METTL9: variants seen among roughly 807,000 people sequenced by gnomAD.
The protein encoded by METTL9 is protein-L-histidine N-pros-methyltransferase.
METTL9 carries 10 observed loss-of-function variants against 36.0 expected under a neutral mutation model. That is an observed-to-expected ratio of 0.28 (90% CI 0.17 to 0.47). The LOEUF is 0.47. Ranked by LOEUF, METTL9 falls within the 20% of genes least tolerant of loss-of-function variation. METTL9 has a pLI of 0.99. For synonymous variants in METTL9, 175 were observed against 149.7 expected (o/e 1.17, Z -1.23); for missense variants, 246 against 383.5 (o/e 0.64, Z 3.00).
chr16:21,613,239 G>A (rs1238631740), intron 2 of METTL9, among the ~76,000 whole-genome samples: 1 of 138,450 alleles, frequency 7.2e-6, no homozygotes, highest in Non-Finnish European at 1.5e-5. Flanking sequence ...AGACTGGAGT[G>A]CAGTGGCAAT....
At chr16:21,616,088 A>C (rs1316917977) in intron 2 of METTL9, among the ~76,000 whole-genome samples, 1 of 152,152 alleles carries the variant, frequency 6.6e-6, no homozygotes, top group African/African-American at 2.4e-5. Flanking sequence ...TTTTTTCCTA[A>C]AACTGGTCTT....
intron 2 of METTL9, among the ~76,000 whole-genome samples, chr16:21,615,621 A>G (rs1239748750): frequency 6.6e-6 from 1 of 152,150 alleles, no homozygotes; most frequent in African/African-American, 2.4e-5. Context: ...TATCATGTCA[A>G]GATTCCTCAC....
At chr16:21,605,218 C>G (rs189715842) in intron 1 of METTL9, among the ~76,000 whole-genome samples, 5 of 133,108 alleles carry the variant, frequency 3.8e-5, no homozygotes, top group African/African-American at 1.4e-4. Flanking sequence ...CCTGGTAAAC[C>G]TTGTGTTGTC....
intron 4 of METTL9, among the ~76,000 whole-genome samples, chr16:21,636,203 A>G (rs538901938): frequency 7.2e-5 from 11 of 152,304 alleles, no homozygotes; most frequent in Admixed American, 7.2e-4. Context: ...AATAGGAAGG[A>G]TACAATTTCT....
chr16:21,656,860 A>G lies in METTL9; in HGVS notation c.*1428A>G, dbSNP rs1966721704. On this transcript the variant is annotated 3_prime_UTR_variant, in exon 5 of 5. Transcript: ENST00000358154. ...CTTCCACTGTTACTGTGCAGTCATAATAAGAGTTGGGTTATGTGATTTATG... is the reference window on the plus strand; with the variant it reads ...CTTCCACTGTTACTGTGCAGTCATAGTAAGAGTTGGGTTATGTGATTTATG... 6.6e-6 allele frequency: 1 copy of G among 152,144 alleles called. No homozygotes were observed. The highest frequency in any genetic ancestry group is 1.5e-5 in the Non-Finnish European group (1 of 68,024). 9.4% of individuals were successfully genotyped at this position (152,144 alleles called of 1,614,324 possible).
intron 4 of METTL9, chr16:21,646,896 T>TTAGTC (rs1210371332): frequency 2.6e-5 from 13 of 507,966 alleles, no homozygotes; most frequent in Middle Eastern, 3.6e-4. Flanking sequence ...CCTCAAGTGA[T>TTAGTC]TCGTCCACCT....
At chr16:21,636,526 G>C (rs1450045360) in intron 4 of METTL9, among the ~76,000 whole-genome samples, 1 of 152,206 alleles carries the variant, frequency 6.6e-6, no homozygotes, top group African/African-American at 2.4e-5. Context: ...CAAGGGTCAG[G>C]GTAGATAGAA....
chr16:21,603,516 G>A (rs1484816521), intron 1 of METTL9, among the ~76,000 whole-genome samples: 1 of 152,226 alleles, frequency 6.6e-6, no homozygotes, highest in Non-Finnish European at 1.5e-5. Context: ...CAGGCAGTGA[G>A]AAACTAGTAG....
At chr16:21,612,911 T>C (rs1174420522) in intron 2 of METTL9, 76 bp downstream of exon 2, 18 of 1,323,744 alleles carry the variant, frequency 1.4e-5, no homozygotes, top group South Asian at 3.0e-5. Context: ...AGAAAAGTTA[T>C]CTTGTTCAGC....
chr16:21,599,799 G>A lies in METTL9; in HGVS notation c.66G>A (p.Trp22Ter), dbSNP rs770316590. 1 of 1,549,984 alleles carries A rather than the reference G, an allele frequency of 6.5e-7. No individual in the cohort carries two copies. The highest frequency in any genetic ancestry group is 8.7e-7 in the Non-Finnish European group (1 of 1,154,892). Reference protein sequence around the residue: ...LASVWLARRMWTLRSPLTRSL... With the variant: ...LASVWLARRM Reference sequence around the variant, plus strand: ...CCGTGTGGCTGGCGCGGAGGATGTGGACGCTGCGGAGCCCGCTCACCCGCT... The same window carrying A: ...CCGTGTGGCTGGCGCGGAGGATGTGAACGCTGCGGAGCCCGCTCACCCGCT... The change falls in exon 1 of 5, where the codon TGG becomes TGA. Residue 22 changes from tryptophan (W) to a stop codon, truncating the protein, a stop_gained. Transcript: ENST00000358154. LOFTEE classifies it high-confidence loss of function. The surrounding 1 kb of genome is among the most constrained non-coding windows in gnomAD (Gnocchi z 4.4).
chr16:21,619,207 A>G (rs546021174), intron 3 of METTL9, among the ~76,000 whole-genome samples: 1 of 152,208 alleles, frequency 6.6e-6, no homozygotes, highest in South Asian at 2.1e-4. Context: ...GCTGGATCAC[A>G]TGGCTAAGTC....
chr16:21,598,528 A>C (rs1335110269), upstream of METTL9, among the ~76,000 whole-genome samples: 2 of 152,120 alleles, frequency 1.3e-5, no homozygotes, highest in African/African-American at 4.8e-5. Context: ...GGTGCAGTTA[A>C]ATTAAAAGCA....
At chr16:21,631,112 A>G (rs1965949632) in intron 4 of METTL9, among the ~76,000 whole-genome samples, 1 of 152,174 alleles carries the variant, frequency 6.6e-6, no homozygotes, top group African/African-American at 2.4e-5. Flanking sequence ...CTTGCAAACT[A>G]TCTGAGAAAT....
chr16:21,651,557 C>A (rs1018756722), intron 4 of METTL9, among the ~76,000 whole-genome samples: 1 of 151,880 alleles, frequency 6.6e-6, no homozygotes, highest in African/African-American at 2.4e-5. Context: ...TCACCTTGGC[C>A]CCCAAAGTGC....
intron 4 of METTL9, among the ~76,000 whole-genome samples, chr16:21,635,085 A>T (rs189175429): frequency 6.6e-6 from 1 of 152,234 alleles, no homozygotes; most frequent in Admixed American, 6.5e-5. Context: ...TCTTTTCATT[A>T]AAGGCCAGGG....
At position 21,599,724 on chromosome 16, in the gene METTL9, G is replaced by T; in HGVS notation, c.-10G>T. On this transcript the variant is annotated 5_prime_UTR_variant, in exon 1 of 5. Transcript: ENST00000358154. The surrounding 1 kb of genome is among the most constrained non-coding windows in gnomAD (Gnocchi z 4.4). ...CCGGCGGTGATCCGAGCGAGCGGCC[G>T]CGGCCCCCGATGAGACTGCTGGCGG... 6.7e-7 allele frequency: 1 copy of T among 1,492,578 alleles called. No individual in the cohort carries two copies. Among genetic ancestry groups the T allele is most frequent in the Non-Finnish European group, 8.9e-7 (1 of 1,128,086 alleles). The allele number at this position is 1,492,578 out of a possible 1,614,324, so 92.5% of individuals were successfully genotyped here.
rs533883707 is a variant in METTL9, at chr16:21,657,241, C to A, written c.*1809C>A. ...GCATTTTAAAGATAAAAAGTAGTTT[C>A]TCAAAAAAATCTGAAGTTCTCTGAA... On this transcript the variant is annotated 3_prime_UTR_variant, in exon 5 of 5. Transcript: ENST00000358154. 6.6e-5 allele frequency: 10 copies of A among 152,164 alleles called. No individual in the cohort carries two copies. In the East Asian group the frequency reaches 1.9e-3, roughly 29 times the overall value. 9.4% of individuals were successfully genotyped at this position (152,164 alleles called of 1,614,324 possible).
At chr16:21,626,995 G>A (rs1965830520) in intron 4 of METTL9, 1 of 985,452 alleles carries the variant, frequency 1.0e-6, no homozygotes, top group Non-Finnish European at 1.2e-6. Flanking sequence ...TGGAAAACAA[G>A]CTCCTTGATT....
At chr16:21,609,867 G>A (rs1281864759) in intron 1 of METTL9, among the ~76,000 whole-genome samples, 1 of 152,036 alleles carries the variant, frequency 6.6e-6, no homozygotes, top group East Asian at 1.9e-4. Flanking sequence ...TTTAAAATTT[G>A]CATTTTAAGA....
Sources: gnomAD v4.1 joint callset for allele counts (sites outside exome capture counted in the v4.1 genomes callset) on GRCh38, gnomAD v4.1.1 for gene constraint, Gnocchi (gnomAD v3.1) non-coding constraint, MANE v1.5 for transcripts, NCBI Gene and HGNC (gene_info 2026-07-23, HGNC 2026-07-21) for gene names.